The following COLGALT1 variants were observed in gnomAD, a reference collection of about 807,000 sequenced individuals.
The protein encoded by COLGALT1 is procollagen galactosyltransferase 1.
Under a neutral mutation model 60.8 loss-of-function variants are expected in COLGALT1, and 43 were observed. The observed-to-expected ratio is 0.71, with a 90% CI of 0.55 to 0.91. The LOEUF is 0.91. COLGALT1 is among the 40% of genes least tolerant of loss of function. The pLI, the probability that COLGALT1 is intolerant of heterozygous loss-of-function variation, is 0.00. For missense variants in COLGALT1, 845 were observed against 880.0 expected (o/e 0.96, Z 0.50); for synonymous variants, 369 against 374.2 (o/e 0.99, Z 0.16).
At chr19:17,562,845 G>C (rs1266813563) in intron 3 of COLGALT1, among the ~76,000 whole-genome samples, 2 of 152,144 alleles carry the variant, frequency 1.3e-5, no homozygotes, top group African/African-American at 4.8e-5. Context: ...AGGGAGAGAG[G>C]AACGGGGACA....
chr19:17,560,160 C>T (rs1440164298), intron 2 of COLGALT1, among the ~76,000 whole-genome samples, 188 bp from the exon 3 acceptor site: 1 of 152,164 alleles, frequency 6.6e-6, no homozygotes, highest in Non-Finnish European at 1.5e-5. Flanking sequence ...TTTGCACAGG[C>T]TGTACCTCCG....
intron 8 of COLGALT1, 31 bp from the exon 9 acceptor site, chr19:17,577,926 T>A: frequency 4.4e-6 from 7 of 1,583,880 alleles, no homozygotes; most frequent in Non-Finnish European, 6.0e-6. Context: ...AGGGTGAACC[T>A]TCTTCGTGAC....
chr19:17,570,389 G>T (rs2076305502), intron 5 of COLGALT1, among the ~76,000 whole-genome samples: 1 of 151,764 alleles, frequency 6.6e-6, no homozygotes, highest in South Asian at 2.1e-4. Flanking sequence ...ATAGGCACCT[G>T]CCTACATGCC....
In COLGALT1 at chr19:17,581,608, C is replaced by G. The variant is rs1356807975; in HGVS notation, c.*164C>G. On this transcript the variant is annotated 3_prime_UTR_variant, in exon 12 of 12. Transcript: ENST00000252599. Reference sequence around the variant, plus strand: ...TAAGCAATCACGTGCACACAGGCAGCATTAATGGAGTGCCTACTGCATGCC... The same window carrying G: ...TAAGCAATCACGTGCACACAGGCAGGATTAATGGAGTGCCTACTGCATGCC... The G allele has an allele frequency of 1.1e-6, 1 of 922,306 alleles. No individual in the cohort carries two copies. Among genetic ancestry groups the G allele is most frequent in the Non-Finnish European group, 1.6e-6 (1 of 630,618 alleles). 57.1% of individuals were successfully genotyped at this position (922,306 alleles called of 1,614,324 possible).
chr19:17,559,242 A>T (rs903783644), intron 1 of COLGALT1, 69 bp from the exon 2 acceptor site: 50 of 1,121,252 alleles, frequency 4.5e-5, no homozygotes, highest in Non-Finnish European at 6.0e-5. Flanking sequence ...GTGGTCCTTG[A>T]CTTGCCTCAC....
At chr19:17,570,184 C>T (rs1008386663) in intron 5 of COLGALT1, among the ~76,000 whole-genome samples, 8 of 152,014 alleles carry the variant, frequency 5.3e-5, no homozygotes, top group African/African-American at 7.2e-5. Flanking sequence ...TGAGCCACCG[C>T]GCCTGGCCCC....
At position 17,572,593 on chromosome 19, in the gene COLGALT1, G is replaced by T; in HGVS notation, c.940G>T (p.Glu314Ter). ...CGAGAGCTTCATGCATGTGCAGCTG[G>T]AGGTCATGGGTGAGTCTGCCTGCAC... ...EAESFMHVQL[E>*]VMVKHPPAEP... Residue 314 changes from glutamate to a stop codon, truncating the protein, a stop_gained, in exon 6 of 12, where the codon GAG becomes TAG. Transcript: ENST00000252599. LOFTEE classifies it high-confidence loss of function. The T allele has an allele frequency of 1.2e-6, 2 of 1,614,004 alleles. No individual in the cohort carries two copies. The highest frequency in any genetic ancestry group is 1.7e-6 in the Non-Finnish European group (2 of 1,180,044).
chr19:17,564,359 G>T (rs1038219690), intron 3 of COLGALT1, among the ~76,000 whole-genome samples: 7 of 149,700 alleles, frequency 4.7e-5, no homozygotes, highest in Non-Finnish European at 8.9e-5. Context: ...ACATATATAC[G>T]TGTGTGTGTG....
Position 17,574,229 on chromosome 19 carries a change from G to A in COLGALT1, c.949+1627G>A, listed in dbSNP as rs563261014. Among the ~76,000 whole-genome samples, 7 of 152,306 alleles carry A rather than the reference G, an allele frequency of 4.6e-5. 1 individual carries two copies. The South Asian group carries it at 1.2e-3, about 27-fold the overall frequency. On this transcript the variant is annotated intron_variant, in intron 6 of 11. Coordinates refer to ENST00000252599, the MANE Select transcript of COLGALT1 (RefSeq NM_024656.4). ...GGGAGGGGTGAGGCCTCTGTCCCGG[G>A]GCTCAGTTTCCCCAGCCTTACCGAT...
intron 5 of COLGALT1, among the ~76,000 whole-genome samples, chr19:17,571,212 G>A (rs2076310571): frequency 6.6e-6 from 1 of 152,056 alleles, no homozygotes; most frequent in South Asian, 2.1e-4. Flanking sequence ...GAGGTCAAGA[G>A]TTTGAGGCCA....
Position 17,580,485 on chromosome 19 carries a change from G to A in COLGALT1, c.1395-214G>A, listed in dbSNP as rs558859491. 66 of 591,068 alleles carry A rather than the reference G, an allele frequency of 1.1e-4. No homozygotes were observed. In the Admixed American group the frequency reaches 1.5e-3, roughly 14 times the overall value. The allele number at this position is 591,068 out of a possible 1,614,324, so 36.6% of individuals were successfully genotyped here. ...TCTCCCCAGCTCCAGATCCTCCATGGCTCCCTCACGCCCTTTGGAAAAACT... is the reference window on the plus strand; with the variant it reads ...TCTCCCCAGCTCCAGATCCTCCATGACTCCCTCACGCCCTTTGGAAAAACT... On this transcript the variant is annotated intron_variant, in intron 10 of 11. Coordinates refer to ENST00000252599, the MANE Select transcript of COLGALT1 (RefSeq NM_024656.4).
chr19:17,555,758 C>T lies in COLGALT1; in HGVS notation c.45C>T (p.Leu15=). The T allele has an allele frequency of 8.2e-7, 1 of 1,220,586 alleles. No homozygotes were observed. Among genetic ancestry groups the T allele is most frequent in the East Asian group, 3.3e-5 (1 of 30,234 alleles). The allele number at this position is 1,220,586 out of a possible 1,614,324, so 75.6% of individuals were successfully genotyped here. Residue 15 remains leucine, a synonymous_variant, in exon 1 of 12, where the codon CTC becomes CTT. Transcript: ENST00000252599. ...CGGGCCGGCGGCGCGGGCAGCCGCT[C>T]CTGGCGCTGCTGCTTCTGCTGCTGG... ...PRAGRRRGQP[L]LALLLLLLAP...
At chr19:17,567,151 G>A (rs1379809068) in intron 3 of COLGALT1, among the ~76,000 whole-genome samples, 2 of 152,204 alleles carry the variant, frequency 1.3e-5, no homozygotes, top group African/African-American at 4.8e-5. Flanking sequence ...TTGCTCATTG[G>A]TTGTTCATTT....
chr19:17,567,067 ACCATACCACTGCACTCCAG>A (rs1252832932), intron 3 of COLGALT1, among the ~76,000 whole-genome samples: 1 of 151,998 alleles, frequency 6.6e-6, no homozygotes. Context: ...GCGAGCTGAG[ACCATACCACTGCACTCCAG>A]CCTGGGTGAC....
At position 17,580,530 on chromosome 19, in the gene COLGALT1, C is replaced by G. The variant is rs565728414; in HGVS notation, c.1395-169C>G. On this transcript the variant is annotated intron_variant, in intron 10 of 11. Coordinates refer to ENST00000252599, the MANE Select transcript of COLGALT1 (RefSeq NM_024656.4). ...AAAACTCACTCTTCTCCCCCATGAC[C>G]GCCAGACCCCTGGGCTCCTGCATTC... 3.2e-5 allele frequency: 21 copies of G among 654,074 alleles called. No individual in the cohort carries two copies. In the Admixed American group the frequency reaches 4.5e-4, roughly 14 times the overall value. 40.5% of individuals were successfully genotyped at this position (654,074 alleles called of 1,614,324 possible). A position where few individuals can be genotyped will look rare whatever the true frequency, so the allele number is the denominator to read the frequency against.
rs373355795 is a variant in COLGALT1 at position 17,580,693 on chromosome 19, C to T, written c.1395-6C>T. On this transcript the variant is annotated splice_polypyrimidine_tract_variant and splice_region_variant and intron_variant, in intron 10 of 11. Coordinates refer to ENST00000252599, the MANE Select transcript of COLGALT1 (RefSeq NM_024656.4). ...GGAGAGTGACAGGCCCGATCTTGCA[C>T]CCCAGCTATGTGGGCCGGAAGCGGA... 1.1e-5 allele frequency: 17 copies of T among 1,613,812 alleles called. No homozygotes were observed. The highest frequency in any genetic ancestry group is 1.7e-4 in the Middle Eastern group (1 of 6,058).
intron 5 of COLGALT1, 80 bp downstream of exon 5, chr19:17,568,793 C>G: frequency 7.3e-7 from 1 of 1,369,722 alleles, no homozygotes; most frequent in East Asian, 2.3e-5. Flanking sequence ...TCAGAACACA[C>G]TGAAGATTCA....
intron 5 of COLGALT1, among the ~76,000 whole-genome samples, chr19:17,569,161 G>A (rs1254809819): frequency 1.3e-5 from 2 of 152,018 alleles, no homozygotes; most frequent in Admixed American, 6.6e-5. Context: ...GCAGTGAGCC[G>A]AGATCATGCC....
At chr19:17,574,591 G>A (rs1429490396) in intron 6 of COLGALT1, among the ~76,000 whole-genome samples, 1 of 152,076 alleles carries the variant, frequency 6.6e-6, no homozygotes, top group Non-Finnish European at 1.5e-5. Flanking sequence ...CGGCCTCCCA[G>A]AATGCTGGGA....
Sources: allele counts gnomAD v4.1 joint callset (sites outside exome capture counted in the v4.1 genomes callset), GRCh38; gene constraint gnomAD v4.1.1; transcripts MANE v1.5; gene names NCBI Gene and HGNC (gene_info 2026-07-23, HGNC 2026-07-21).